Variants in USP34 observed in about 807,000 individuals in gnomAD.
USP34 encodes the protein ubiquitin specific peptidase 34.
Under a neutral mutation model 460.3 loss-of-function variants are expected in USP34, and 70 were observed. That is an observed-to-expected ratio of 0.15 (90% CI 0.13 to 0.19). USP34 has a LOEUF of 0.19. Ranked by LOEUF, USP34 falls within the 10% of genes least tolerant of loss-of-function variation. The pLI is 1.00. For missense variants in USP34, 3,985 were observed against 4,236.2 expected (o/e 0.94, Z 1.65); for synonymous variants, 1,647 against 1,405.3 (o/e 1.17, Z -3.85).
Position 61,339,670 on chromosome 2 carries a change from G to C in USP34, c.2512C>G (p.His838Asp). 6.8e-7 allele frequency: 1 copy of C among 1,470,662 alleles called. No individual in the cohort carries two copies. The highest frequency in any genetic ancestry group is 1.4e-5 in the South Asian group (1 of 69,052). 91.1% of individuals were successfully genotyped at this position (1,470,662 alleles called of 1,614,324 possible). ...GCATTACTGTTGAATTGATGTTTAT[G>C]AACTACAGGTCCTGAAGAGAAAAAA... ...HEHLSQGPVV[H>D]KHQFNSNAVT... The change falls in exon 17 of 80, where the codon CAT (histidine) becomes GAT (aspartate). Residue 838 changes from histidine to aspartate, a missense_variant. By Grantham distance (81) the His-to-Asp change is moderately conservative (BLOSUM62 -1). This residue lies in a region of USP34 where 716 missense variants were observed against 626.2 expected (regional missense o/e 1.14). Transcript: ENST00000398571.
intron 21 of USP34, among the ~76,000 whole-genome samples, chr2:61,321,750 A>C (rs1173657015): frequency 2.0e-5 from 3 of 152,218 alleles, no homozygotes; most frequent in Non-Finnish European, 4.4e-5. Context: ...CCCATTTAGG[A>C]AGAAAATTCT....
At chr2:61,232,012 C>T (rs998708845) in intron 58 of USP34, among the ~76,000 whole-genome samples, 5 of 151,862 alleles carry the variant, frequency 3.3e-5, no homozygotes, top group African/African-American at 1.2e-4. Context: ...CTATTTTACC[C>T]AACAATTTAA....
intron 41 of USP34, among the ~76,000 whole-genome samples, chr2:61,275,990 A>G (rs774093209): frequency 2.0e-5 from 3 of 152,248 alleles, no homozygotes; most frequent in Non-Finnish European, 4.4e-5. Flanking sequence ...TAAAGAGCTG[A>G]CATATTCAAA....
intron 57 of USP34, among the ~76,000 whole-genome samples, chr2:61,235,309 G>T (rs549831559): frequency 7.1e-6 from 1 of 141,602 alleles, no homozygotes; most frequent in South Asian, 2.3e-4. Flanking sequence ...TAGATGAAGG[G>T]GGGAAAAAAT....
intron 20 of USP34, among the ~76,000 whole-genome samples, chr2:61,326,519 C>A (rs1197777786): frequency 6.6e-6 from 1 of 152,032 alleles, no homozygotes; most frequent in Admixed American, 6.6e-5. Context: ...TCAGCATGAC[C>A]GGCCCAGGTT....
chr2:61,203,632 T>C (rs1687035310), intron 74 of USP34, among the ~76,000 whole-genome samples: 1 of 152,130 alleles, frequency 6.6e-6, no homozygotes, highest in South Asian at 2.1e-4. Context: ...TTTTATCTTA[T>C]AAGAACTTCT....
intron 10 of USP34, among the ~76,000 whole-genome samples, chr2:61,369,073 C>T (rs925198555): frequency 2.0e-5 from 3 of 152,096 alleles, no homozygotes; most frequent in African/African-American, 7.2e-5. Context: ...GATTTGCAAA[C>T]TCACTCATGA....
intron 58 of USP34, among the ~76,000 whole-genome samples, chr2:61,230,270 C>T (rs1461275390): frequency 6.6e-6 from 1 of 152,068 alleles, no homozygotes; most frequent in African/African-American, 2.4e-5. Flanking sequence ...TGGCTCAAGC[C>T]TATAATCCCA....
chr2:61,227,266 CAT>C (rs1376567230), intron 61 of USP34, 48 bp from the exon 62 acceptor site: 1 of 1,551,152 alleles, frequency 6.4e-7, no homozygotes, highest in Non-Finnish European at 8.7e-7. Context: ...GTTTTAATAT[CAT>C]TTTGAGAACA....
At chr2:61,301,505 C>T (rs763952746) in intron 27 of USP34, 51 bp from the exon 28 acceptor site, 2 of 1,495,282 alleles carry the variant, frequency 1.3e-6, no homozygotes, top group South Asian at 1.1e-5. Flanking sequence ...AATTAACTTA[C>T]TTGCTGATAA....
intron 67 of USP34, among the ~76,000 whole-genome samples, chr2:61,218,887 T>C (rs1687478671): frequency 6.6e-6 from 1 of 152,188 alleles, no homozygotes; most frequent in Admixed American, 6.5e-5. Flanking sequence ...AATTAACCTT[T>C]ATCACCCGGC....
intron 10 of USP34, among the ~76,000 whole-genome samples, chr2:61,365,309 ATGTGTG>A (rs34664941): frequency 1.9e-4 from 28 of 147,950 alleles, no homozygotes; most frequent in South Asian, 1.1e-3. Flanking sequence ...TTATTTATAA[ATGTGTG>A]TGTGTGTGTG....
At chr2:61,247,834 G>T (rs1048807927) in intron 49 of USP34, among the ~76,000 whole-genome samples, 1 of 151,766 alleles carries the variant, frequency 6.6e-6, no homozygotes, top group Non-Finnish European at 1.5e-5. Context: ...TCGCTCTGTC[G>T]CCCACACTGG....
intron 68 of USP34, among the ~76,000 whole-genome samples, chr2:61,213,399 G>C (rs981659855): frequency 1.9e-4 from 29 of 151,994 alleles, no homozygotes; most frequent in African/African-American, 7.0e-4. Context: ...GAAAAAAAAA[G>C]ACCGTCTATA....
chr2:61,352,028 G>A (rs534002022), intron 10 of USP34, among the ~76,000 whole-genome samples: 2 of 152,240 alleles, frequency 1.3e-5, no homozygotes, highest in South Asian at 4.1e-4. Context: ...GGAAGCAGAA[G>A]TGTTTCAGGT....
chr2:61,441,507 C>G (rs1694961750), intron 1 of USP34, among the ~76,000 whole-genome samples: 4 of 152,234 alleles, frequency 2.6e-5, no homozygotes, highest in South Asian at 2.1e-4. Context: ...CAGGGCCACA[C>G]AGCTCCCAAA....
At chr2:61,422,751 C>T (rs1161252446) in intron 1 of USP34, among the ~76,000 whole-genome samples, 1 of 152,212 alleles carries the variant, frequency 6.6e-6, no homozygotes, top group Non-Finnish European at 1.5e-5. Context: ...GTAATCCCAG[C>T]ACTTTGGAAG....
intron 69 of USP34, among the ~76,000 whole-genome samples, chr2:61,209,213 G>A (rs1029280957): frequency 6.6e-6 from 1 of 152,156 alleles, no homozygotes; most frequent in Non-Finnish European, 1.5e-5. Context: ...TACAATGGCA[G>A]AAGATATGGG....
At chr2:61,345,269 GT>G (rs1225281384) in intron 15 of USP34, among the ~76,000 whole-genome samples, 1 of 130,066 alleles carries the variant, frequency 7.7e-6, no homozygotes, top group African/African-American at 2.7e-5. Flanking sequence ...GTGTGACTGT[GT>G]TTAAAAAAAA....
Sources: allele counts gnomAD v4.1 joint callset (sites outside exome capture counted in the v4.1 genomes callset), GRCh38; gene constraint gnomAD v4.1.1; regional missense constraint gnomAD v4.1.1; transcripts MANE v1.5; gene names NCBI Gene and HGNC (gene_info 2026-07-23, HGNC 2026-07-21).